Variants in INPP4B observed in about 807,000 individuals in gnomAD.
INPP4B encodes inositol polyphosphate 4-phosphatase type II.
A neutral mutation model predicts 122.5 loss-of-function variants in INPP4B; 55 were observed. The ratio of observed to expected loss-of-function variants is 0.45; its 90% CI spans 0.36 to 0.56. INPP4B has a LOEUF of 0.56. Ranked by LOEUF, INPP4B falls within the 20% of genes least tolerant of loss-of-function variation. The pLI is 0.00. For missense variants in INPP4B, 1,000 were observed against 1,097.7 expected (o/e 0.91, Z 1.26); for synonymous variants, 403 against 388.7 (o/e 1.04, Z -0.43).
At chr4:142,332,874 G>T (rs1420832843) in intron 7 of INPP4B, among the ~76,000 whole-genome samples, 1 of 151,114 alleles carries the variant, frequency 6.6e-6, no homozygotes, top group Non-Finnish European at 1.5e-5. Flanking sequence ...GGCCAGGCGT[G>T]GTGGCGGGTG....
intron 1 of INPP4B, among the ~76,000 whole-genome samples, chr4:142,748,227 G>T (rs1288072834): frequency 6.6e-6 from 1 of 152,036 alleles, no homozygotes; most frequent in Admixed American, 6.6e-5. Flanking sequence ...GAATGCAACA[G>T]AGTAATAGAG....
chr4:142,799,601 AAAAGT>A (rs1213769923), intron 1 of INPP4B, among the ~76,000 whole-genome samples: 1 of 151,998 alleles, frequency 6.6e-6, no homozygotes, highest in Non-Finnish European at 1.5e-5. Context: ...AGAAAATTCA[AAAAGT>A]AAAGTATAGA....
At chr4:142,139,719 G>A (rs1806734171) in intron 18 of INPP4B, among the ~76,000 whole-genome samples, 1 of 152,210 alleles carries the variant, frequency 6.6e-6, no homozygotes, top group Non-Finnish European at 1.5e-5. Context: ...CCTATTTGAA[G>A]GTTGGGGTGC....
intron 2 of INPP4B, among the ~76,000 whole-genome samples, chr4:142,706,118 C>A (rs2150776829): frequency 6.6e-6 from 1 of 152,324 alleles, no homozygotes; most frequent in Non-Finnish European, 1.5e-5. Context: ...AAACTTCATG[C>A]TTTTACATCT....
At chr4:142,379,462 A>G (rs1348229529) in intron 7 of INPP4B, among the ~76,000 whole-genome samples, 1 of 152,178 alleles carries the variant, frequency 6.6e-6, no homozygotes, top group East Asian at 1.9e-4. Context: ...ATGTGACATC[A>G]CCTTCTGCCT....
chr4:142,753,920 A>C (rs957618979), intron 1 of INPP4B, among the ~76,000 whole-genome samples: 2 of 152,038 alleles, frequency 1.3e-5, no homozygotes, highest in African/African-American at 4.8e-5. Context: ...TCTCAAGTAT[A>C]ATTCTCCTTC....
intron 25 of INPP4B, chr4:142,029,127 T>C: frequency 7.9e-7 from 1 of 1,261,922 alleles, no homozygotes; most frequent in Non-Finnish European, 1.0e-6. Flanking sequence ...ATGACTTAAG[T>C]CTCTTTACTC....
chr4:142,620,329 A>G (rs1178813085), intron 2 of INPP4B, among the ~76,000 whole-genome samples: 2 of 152,068 alleles, frequency 1.3e-5, no homozygotes, highest in African/African-American at 2.4e-5. Context: ...AGCTGTAGAA[A>G]AGAGCGAGAT....
At chr4:142,841,645 A>C (rs1342261334) in intron 1 of INPP4B, among the ~76,000 whole-genome samples, 2 of 151,942 alleles carry the variant, frequency 1.3e-5, no homozygotes, top group Non-Finnish European at 2.9e-5. Context: ...TTAAAAACTC[A>C]CACTCTCTTT....
At chr4:142,263,802 T>C (rs1741447941) in intron 10 of INPP4B, among the ~76,000 whole-genome samples, 2 of 151,022 alleles carry the variant, frequency 1.3e-5, no homozygotes. Flanking sequence ...GGAGGTGACA[T>C]TTCTGCATAA....
chr4:142,732,798 C>T (rs566887186), intron 1 of INPP4B, among the ~76,000 whole-genome samples: 1 of 151,816 alleles, frequency 6.6e-6, no homozygotes, highest in Admixed American at 6.6e-5. Context: ...AACCAAAATC[C>T]CAGTAGTCTT....
At chr4:142,237,833 A>T in intron 12 of INPP4B, 31 bp downstream of exon 12, 2 of 1,318,582 alleles carry the variant, frequency 1.5e-6, no homozygotes, top group South Asian at 2.9e-5. Context: ...TAAAATAATT[A>T]ATATGAGAGA....
At chr4:142,371,543 T>A (rs749269633) in intron 7 of INPP4B, among the ~76,000 whole-genome samples, 27 of 151,882 alleles carry the variant, frequency 1.8e-4, no homozygotes, top group Non-Finnish European at 3.4e-4. Context: ...GGGACTAATA[T>A]CCAGAATATA....
intron 2 of INPP4B, among the ~76,000 whole-genome samples, chr4:142,657,731 A>G (rs1167468822): frequency 6.6e-6 from 1 of 152,222 alleles, no homozygotes; most frequent in Middle Eastern, 3.2e-3. Flanking sequence ...TTGACTAAAT[A>G]GGTTATAAAA....
intron 2 of INPP4B, among the ~76,000 whole-genome samples, chr4:142,470,026 C>T (rs962382447): frequency 1.3e-5 from 2 of 151,678 alleles, no homozygotes; most frequent in African/African-American, 4.8e-5. Flanking sequence ...GAAGTAAATA[C>T]AAATAAAATA....
intron 2 of INPP4B, among the ~76,000 whole-genome samples, chr4:142,703,611 G>C (rs376266066): frequency 6.6e-6 from 1 of 152,152 alleles, no homozygotes; most frequent in East Asian, 1.9e-4. Flanking sequence ...TAAATAAAAA[G>C]CTTGTTTTCT....
chr4:142,284,748 T>G (rs1215365978), intron 9 of INPP4B, among the ~76,000 whole-genome samples: 1 of 151,904 alleles, frequency 6.6e-6, no homozygotes, highest in Non-Finnish European at 1.5e-5. Flanking sequence ...CCTTGCTAGG[T>G]ATAACTAGGG....
chr4:142,052,400 C>A (rs1755134347), intron 25 of INPP4B, among the ~76,000 whole-genome samples: 2 of 151,900 alleles, frequency 1.3e-5, no homozygotes, highest in South Asian at 4.1e-4. Context: ...AACCCATATT[C>A]TTTTGTGTTA....
At chr4:142,341,523 G>A (rs567638392) in intron 7 of INPP4B, among the ~76,000 whole-genome samples, 12 of 152,100 alleles carry the variant, frequency 7.9e-5, no homozygotes, top group East Asian at 5.8e-4. Flanking sequence ...TGACTCCCCC[G>A]GCAACCCCAT....
Sources: allele counts gnomAD v4.1 joint callset (sites outside exome capture counted in the v4.1 genomes callset), GRCh38; gene constraint gnomAD v4.1.1; transcripts MANE v1.5; gene names NCBI Gene and HGNC (gene_info 2026-07-23, HGNC 2026-07-21).